Variants in INSL6 observed in about 807,000 individuals in gnomAD.
INSL6 encodes the protein insulin-like peptide INSL6.
Under a neutral mutation model 9.4 loss-of-function variants are expected in INSL6, and 16 were observed. The observed-to-expected ratio is 1.70, with a 90% CI of 1.15 to 2.59. The LOEUF is 2.59. Ranked by LOEUF, INSL6 falls within the 30% of genes most tolerant of loss-of-function variation. The pLI is 0.00. For synonymous variants in INSL6, 154 were observed against 96.9 expected (o/e 1.59, Z -3.46); for missense variants, 391 against 257.3 (o/e 1.52, Z -3.56).
chr9:5,085,059 A>C, the INSL6 span: 1 of 715,612 alleles, frequency 1.4e-6, no homozygotes, highest in Non-Finnish European at 2.5e-6. Flanking sequence ...TGGGGATGAG[A>C]AGTTTACTGC....
the INSL6 span, among the ~76,000 whole-genome samples, chr9:5,050,424 C>G: frequency 6.6e-6 from 1 of 152,096 alleles, no homozygotes; most frequent in Admixed American, 6.6e-5. Flanking sequence ...GTATGTGCCA[C>G]CATGCCTGGA....
At chr9:5,086,857 C>T in the INSL6 span, among the ~76,000 whole-genome samples, 2 of 152,130 alleles carry the variant, frequency 1.3e-5, no homozygotes, top group African/African-American at 4.8e-5. Context: ...TCTCATAGAG[C>T]AGTTTGTATC....
At chr9:5,177,344 A>G (rs1825333123) in intron 1 of INSL6, among the ~76,000 whole-genome samples, 1 of 152,162 alleles carries the variant, frequency 6.6e-6, no homozygotes, top group South Asian at 2.1e-4. Flanking sequence ...CGCCCGGGAA[A>G]TCACATTTCT....
At chr9:5,082,682 T>G in the INSL6 span, among the ~76,000 whole-genome samples, 2 of 152,254 alleles carry the variant, frequency 1.3e-5, no homozygotes, top group Non-Finnish European at 2.9e-5. Context: ...TACCCGGCTT[T>G]CCAGGGCAGA....
Position 5,185,628 on chromosome 9 carries a change from G to T in INSL6, c.-26C>A, listed in dbSNP as rs971776128. The T allele has an allele frequency of 1.3e-6, 2 of 1,599,328 alleles. No individual in the cohort carries two copies. Among genetic ancestry groups the T allele is most frequent in the Non-Finnish European group, 1.7e-6 (2 of 1,174,484 alleles). On this transcript the variant is annotated 5_prime_UTR_variant, in exon 1 of 2. Transcript: ENST00000381641. ...CCCTGTGACCCCAGGCTAGTCCTCCGCGTTGTGCAATGGCGGTCGGCCGGA... is the reference window on the plus strand; with the variant it reads ...CCCTGTGACCCCAGGCTAGTCCTCCTCGTTGTGCAATGGCGGTCGGCCGGA...
At chr9:5,130,874 G>A (rs952792023) in intron 3 of INSL6, among the ~76,000 whole-genome samples, 13 of 149,960 alleles carry the variant, frequency 8.7e-5, no homozygotes, top group Non-Finnish European at 1.5e-4. Flanking sequence ...GACTACAGGC[G>A]CCTGCCACTA....
At chr9:5,096,310 A>G in the INSL6 span, among the ~76,000 whole-genome samples, 134 of 152,316 alleles carry the variant, frequency 8.8e-4, no homozygotes, top group African/African-American at 3.1e-3. Context: ...CCCTTAGTAA[A>G]TGAATTATAC....
chr9:5,122,972 C>T (rs747247299), downstream of INSL6: 1 of 1,374,844 alleles, frequency 7.3e-7, no homozygotes, highest in East Asian at 2.3e-5. Flanking sequence ...TATCAAGTAA[C>T]TGTCTTTTAA....
chr9:5,006,743 T>G, the INSL6 span, among the ~76,000 whole-genome samples: 52,649 of 151,994 alleles, frequency 0.35, 9,848 homozygotes, highest in African/African-American at 0.49. Flanking sequence ...CATGACCCAG[T>G]CACCTCTCAC....
rs140779243 is a variant in INSL6, at chr9:5,180,287, C to T, written c.289+5027G>A. ...TTAACTGTACAAATTGATTGTAAAA[C>T]GTGTGTTTGAACAATATGAAATCAG... On this transcript the variant is annotated intron_variant, in intron 1 of 1. Coordinates refer to ENST00000381641, the MANE Select transcript of INSL6 (RefSeq NM_007179.3). Among the ~76,000 whole-genome samples, 648 of 152,204 alleles carry T rather than the reference C, an allele frequency of 4.3e-3. 4 individuals carry two copies. The highest frequency in any genetic ancestry group is 0.015 in the African/African-American group (604 of 41,524).
chr9:5,108,306 C>A, the INSL6 span: 2 of 152,182 alleles, frequency 1.3e-5, no homozygotes, highest in South Asian at 2.1e-4. Flanking sequence ...AATTCCTACC[C>A]TAATTATTAT....
the INSL6 span, among the ~76,000 whole-genome samples, chr9:5,050,332 G>A: frequency 6.6e-6 from 1 of 152,170 alleles, no homozygotes; most frequent in African/African-American, 2.4e-5. Flanking sequence ...GTCTTGGTCT[G>A]TTACCCAGAC....
chr9:5,184,823 C>A (rs1394444782), intron 1 of INSL6, among the ~76,000 whole-genome samples: 1 of 152,184 alleles, frequency 6.6e-6, no homozygotes, highest in Non-Finnish European at 1.5e-5. Flanking sequence ...ATTTTACTAC[C>A]TTTATTTTCA....
At chr9:5,150,846 GACACACACACACACACACACACACAC>G (rs59479266) in intron 2 of INSL6, among the ~76,000 whole-genome samples, 5 of 146,290 alleles carry the variant, frequency 3.4e-5, no homozygotes, top group Non-Finnish European at 7.6e-5. Context: ...GGATAAAGGA[GACACACACACACACACACACACACAC>G]ACACACACAT....
At chr9:5,060,095 A>T in the INSL6 span, among the ~76,000 whole-genome samples, 5 of 152,240 alleles carry the variant, frequency 3.3e-5, no homozygotes, top group East Asian at 9.6e-4. Context: ...ACTATAATCA[A>T]GTCTACTAAG....
chr9:5,167,199 T>C (rs1435833744), intron 1 of INSL6, among the ~76,000 whole-genome samples: 1 of 152,196 alleles, frequency 6.6e-6, no homozygotes, highest in African/African-American at 2.4e-5. Flanking sequence ...CAGTGAGGGA[T>C]TGTGCTACCC....
the INSL6 span, chr9:5,078,333 G>C: frequency 6.2e-7 from 1 of 1,612,554 alleles, no homozygotes; most frequent in Non-Finnish European, 8.5e-7. Context: ...TCATGGGAAT[G>C]TATGTGCCAA....
the INSL6 span, chr9:5,112,137 C>T: frequency 3.2e-6 from 1 of 311,822 alleles, no homozygotes; most frequent in South Asian, 2.6e-5. Context: ...ACGCCATGGG[C>T]ACGGCTAGCA....
At chr9:5,066,644 T>A in the INSL6 span, 1 of 1,114,422 alleles carries the variant, frequency 9.0e-7, no homozygotes, top group Non-Finnish European at 1.4e-6. Flanking sequence ...TGGTGCTTGA[T>A]ATATTATTCA....
Sources: allele counts gnomAD v4.1 joint callset (sites outside exome capture counted in the v4.1 genomes callset), GRCh38; gene constraint gnomAD v4.1.1; transcripts MANE v1.5; gene names NCBI Gene and HGNC (gene_info 2026-07-23, HGNC 2026-07-21).